Variants in ATP8A1 observed in about 807,000 individuals in gnomAD.
The protein encoded by ATP8A1 is ATPase phospholipid transporting 8A1, also known as phospholipid-transporting ATPase IA.
A neutral mutation model predicts 177.7 loss-of-function variants in ATP8A1; 90 were observed. That is an observed-to-expected ratio of 0.51 (90% CI 0.43 to 0.60). The LOEUF (loss-of-function observed/expected upper bound fraction) is 0.60. Among genes scored for constraint, ATP8A1 ranks in the 20% least tolerant of loss-of-function variants. The pLI, the probability that ATP8A1 is intolerant of heterozygous loss-of-function variation, is 0.00. For synonymous variants in ATP8A1, 493 were observed against 485.9 expected, an observed-to-expected ratio of 1.01 and a Z score of -0.19; for missense variants, 1,072 against 1,392.8, an observed-to-expected ratio of 0.77 and a Z score of 3.67.
At position 42,579,720 on chromosome 4, in the gene ATP8A1, T is replaced by C. The variant is rs1732824012; in HGVS notation, c.1000+93A>G. The C allele has an allele frequency of 3.4e-6, 4 of 1,185,008 alleles. No homozygotes were observed. The East Asian group carries it at 7.6e-5, about 22-fold the overall frequency. 73.4% of individuals were successfully genotyped at this position (1,185,008 alleles called of 1,614,324 possible). A position where few individuals can be genotyped will look rare whatever the true frequency, so the allele number is the denominator to read the frequency against. Reference sequence around the variant, plus strand: ...AGCTATCTTGGCAACAAGGTCTTTTTAGAAACAATACGAAATAAAGTAAAT... The same window carrying C: ...AGCTATCTTGGCAACAAGGTCTTTTCAGAAACAATACGAAATAAAGTAAAT... On this transcript the variant is annotated intron_variant, in intron 11 of 36. Coordinates refer to ENST00000381668, the MANE Select transcript of ATP8A1 (RefSeq NM_006095.2).
chr4:42,482,187 C>G (rs1187675411), intron 25 of ATP8A1, among the ~76,000 whole-genome samples: 1 of 21,688 alleles, frequency 4.6e-5, no homozygotes, highest in Non-Finnish European at 3.2e-4. Flanking sequence ...CCTGTAATTC[C>G]AGCTACTCGG....
intron 1 of ATP8A1, among the ~76,000 whole-genome samples, chr4:42,645,204 A>AG (rs1740410867): frequency 6.6e-6 from 1 of 152,210 alleles, no homozygotes. Flanking sequence ...AACCTAATAA[A>AG]TAGTATTAAT....
intron 33 of ATP8A1, among the ~76,000 whole-genome samples, chr4:42,439,007 C>T (rs1359680371): frequency 2.0e-5 from 3 of 152,012 alleles, no homozygotes; most frequent in African/African-American, 7.3e-5. Flanking sequence ...AGAAATGGCT[C>T]TGTCTTTGCT....
chr4:42,551,287 T>C lies in ATP8A1; in HGVS notation c.1520-7A>G, dbSNP rs1424378706. ...CTGACCAATGCTCCCTCATCTGTTT[T>C]AGAAAAAGAGGTAAAAGCAAACACA... is the stretch of plus-strand genomic sequence containing the variant. On this transcript the variant is annotated splice_region_variant and splice_polypyrimidine_tract_variant and intron_variant, in intron 17 of 36. Coordinates refer to ENST00000381668, the MANE Select transcript of ATP8A1 (RefSeq NM_006095.2). 2.5e-6 allele frequency: 4 copies of C among 1,611,028 alleles called. No homozygotes were observed. In the African/African-American group the frequency reaches 5.3e-5, roughly 22 times the overall value.
At chr4:42,544,903 T>G (rs1271894184) in intron 19 of ATP8A1, among the ~76,000 whole-genome samples, 1 of 152,200 alleles carries the variant, frequency 6.6e-6, no homozygotes, top group African/African-American at 2.4e-5. Flanking sequence ...GGCTCATGCC[T>G]GTAATTCTAG....
intron 36 of ATP8A1, among the ~76,000 whole-genome samples, 199 bp downstream of exon 36, chr4:42,414,428 T>C (rs562541343): frequency 6.6e-6 from 1 of 152,320 alleles, no homozygotes; most frequent in African/African-American, 2.4e-5. Flanking sequence ...CAGCAAGATT[T>C]TAAAATTAAC....
chr4:42,475,015 C>T (rs531367236), intron 25 of ATP8A1, among the ~76,000 whole-genome samples: 2 of 152,248 alleles, frequency 1.3e-5, no homozygotes, highest in South Asian at 4.1e-4. Context: ...TTGCACCCAA[C>T]ACATTGAATT....
At chr4:42,625,915 A>ATTT in intron 2 of ATP8A1, 2 of 311,280 alleles carry the variant, frequency 6.4e-6, no homozygotes, top group Non-Finnish European at 5.9e-6. Context: ...AATACCACAG[A>ATTT]TTTTTTTTTT....
intron 5 of ATP8A1, among the ~76,000 whole-genome samples, chr4:42,602,975 A>G (rs974536030): frequency 6.6e-6 from 1 of 151,990 alleles, no homozygotes; most frequent in Admixed American, 6.5e-5. Flanking sequence ...AAACTGGTCA[A>G]TAGTGTCTAG....
intron 35 of ATP8A1, among the ~76,000 whole-genome samples, chr4:42,416,959 G>A (rs1713313138): frequency 6.6e-6 from 1 of 152,162 alleles, no homozygotes; most frequent in Admixed American, 6.5e-5. Context: ...GATGTGTGTT[G>A]CTGCACATGG....
intron 25 of ATP8A1, among the ~76,000 whole-genome samples, chr4:42,480,033 C>T (rs1291625933): frequency 2.6e-5 from 1 of 38,300 alleles, no homozygotes; most frequent in Non-Finnish European, 7.2e-5. Context: ...TGTGTGTGTA[C>T]TGGTGATGGT....
chr4:42,626,307 GGA>G (rs1162544795), intron 2 of ATP8A1: 1 of 152,234 alleles, frequency 6.6e-6, no homozygotes, highest in African/African-American at 2.4e-5. Context: ...CAAATAGAAA[GGA>G]GATTAAAGCA....
intron 30 of ATP8A1, among the ~76,000 whole-genome samples, chr4:42,448,392 C>CTTACTTTACTTTTTTTTTTTTTT (rs1560335169): frequency 5.5e-4 from 11 of 19,934 alleles, no homozygotes; most frequent in Admixed American, 9.6e-4. Context: ...CCCTCCTTCT[C>CTTACTTTACTTTTTTTTTTTTTT]TTTCTTTTCT....
At chr4:42,507,949 G>C (rs1724621122) in intron 22 of ATP8A1, among the ~76,000 whole-genome samples, 1 of 151,994 alleles carries the variant, frequency 6.6e-6, no homozygotes. Context: ...TAGAAACCAA[G>C]AGGAAAAGAA....
rs1717277097 is a variant in ATP8A1, at chr4:42,446,577, A to G, written c.2958+6T>C. 1.2e-6 allele frequency: 2 copies of G among 1,613,094 alleles called. No individual in the cohort carries two copies. The highest frequency in any genetic ancestry group is 1.7e-5 in the Admixed American group (1 of 59,986). On this transcript the variant is annotated splice_donor_region_variant and intron_variant, in intron 31 of 36. Coordinates refer to ENST00000381668, the MANE Select transcript of ATP8A1 (RefSeq NM_006095.2). ...CACGCAAACGAGACCGACATCCCGCACTCACAGTGTACACAAAGTTTCCCA... is the reference window on the plus strand; with the variant it reads ...CACGCAAACGAGACCGACATCCCGCGCTCACAGTGTACACAAAGTTTCCCA...
At chr4:42,549,514 G>T (rs1396640701) in intron 18 of ATP8A1, among the ~76,000 whole-genome samples, 2 of 152,112 alleles carry the variant, frequency 1.3e-5, no homozygotes, top group Non-Finnish European at 2.9e-5. Context: ...AAGTGGCCAG[G>T]TCTGGTGGCC....
intron 20 of ATP8A1, among the ~76,000 whole-genome samples, chr4:42,541,316 A>G (rs759944978): frequency 3.9e-5 from 6 of 152,202 alleles, no homozygotes; most frequent in East Asian, 1.9e-4. Context: ...TAAGCCAACA[A>G]TAAAATACCA....
intron 20 of ATP8A1, among the ~76,000 whole-genome samples, chr4:42,528,029 G>C (rs1726874284): frequency 1.3e-5 from 2 of 152,136 alleles, no homozygotes; most frequent in South Asian, 4.1e-4. Context: ...CTGGCTCTGA[G>C]CTGGTGATGA....
chr4:42,426,216 G>A (rs199795838), intron 33 of ATP8A1, among the ~76,000 whole-genome samples: 3 of 152,296 alleles, frequency 2.0e-5, no homozygotes, highest in East Asian at 3.9e-4. Context: ...TAGCACCTAC[G>A]TTCCCACGCC....
Sources: gnomAD v4.1 joint callset for allele counts (sites outside exome capture counted in the v4.1 genomes callset) on GRCh38, gnomAD v4.1.1 for gene constraint, MANE v1.5 for transcripts, NCBI Gene and HGNC (gene_info 2026-07-23, HGNC 2026-07-21) for gene names.